Variants in DOP1A observed in about 807,000 individuals in gnomAD.
DOP1A encodes protein DOP1A.
DOP1A carries 90 observed loss-of-function variants against 267.6 expected under a neutral mutation model. That is an observed-to-expected ratio of 0.34 (90% confidence interval 0.28 to 0.40). The LOEUF (loss-of-function observed/expected upper bound fraction) is 0.40. Among genes scored for constraint, DOP1A ranks in the 10% least tolerant of loss-of-function variants. DOP1A has a pLI of 1.00. For missense variants in DOP1A, 2,437 were observed against 2,900.4 expected (o/e 0.84, Z 3.67); for synonymous variants, 932 against 999.1 (o/e 0.93, Z 1.27).
intron 4 of DOP1A, among the ~76,000 whole-genome samples, chr6:83,106,103 A>G (rs770203380): frequency 3.9e-5 from 6 of 152,176 alleles, no homozygotes; most frequent in African/African-American, 9.7e-5. Flanking sequence ...TGATTTTTTC[A>G]TCTCAAGGTT....
chr6:83,132,795 A>AT (rs767633707), intron 18 of DOP1A, among the ~76,000 whole-genome samples: 3 of 152,172 alleles, frequency 2.0e-5, no homozygotes, highest in Non-Finnish European at 4.4e-5. Context: ...CAAAATAAGA[A>AT]TTTTGTATCC....
chr6:83,114,628 T>C (rs996265448), intron 7 of DOP1A, among the ~76,000 whole-genome samples: 7 of 152,192 alleles, frequency 4.6e-5, no homozygotes, highest in South Asian at 2.1e-4. Context: ...AGGCCCTCAA[T>C]TGACAGATGT....
intron 38 of DOP1A, chr6:83,167,134 C>T: frequency 6.4e-6 from 6 of 940,870 alleles, no homozygotes; most frequent in Non-Finnish European, 6.3e-6. Flanking sequence ...TCTCATTTGA[C>T]TTCTCTACTA....
intron 15 of DOP1A, among the ~76,000 whole-genome samples, chr6:83,126,444 A>T (rs1337766974): frequency 6.6e-6 from 1 of 152,070 alleles, no homozygotes; most frequent in African/African-American, 2.4e-5. Context: ...TCCTGCTGCT[A>T]TCACTATGCT....
chr6:83,153,472 CA>C (rs1398615180), intron 30 of DOP1A, 38 bp from the exon 31 acceptor site: 1 of 1,354,330 alleles, frequency 7.4e-7, no homozygotes, highest in Non-Finnish European at 1.0e-6. Context: ...ATGTCAGTTT[CA>C]CCTCATATGT....
chr6:83,124,954 C>T (rs1477975350), intron 13 of DOP1A, 135 bp downstream of exon 13: 4 of 886,370 alleles, frequency 4.5e-6, no homozygotes, highest in Non-Finnish European at 6.9e-6. Context: ...AAGCTTTTTT[C>T]ATAAGATCTT....
chr6:83,068,632 G>A (rs1260798393), intron 1 of DOP1A, among the ~76,000 whole-genome samples: 1 of 152,208 alleles, frequency 6.6e-6, no homozygotes, highest in African/African-American at 2.4e-5. Context: ...ACTGTAGAGA[G>A]AGAAAAATCT....
Position 83,132,159 on chromosome 6 carries a change from T to C in DOP1A, c.2617-17T>C. On this transcript the variant is annotated splice_polypyrimidine_tract_variant and intron_variant, in intron 17 of 38. Transcript: ENST00000349129. ...ATGTATGGTATTGTGACTGTCACTTTTACATCTTTTTTATAGCATGTAGCT... is the reference window on the plus strand; with the variant it reads ...ATGTATGGTATTGTGACTGTCACTTCTACATCTTTTTTATAGCATGTAGCT... 1 of 1,598,522 alleles carries C rather than the reference T, an allele frequency of 6.3e-7. No individual in the cohort carries two copies. The highest frequency in any genetic ancestry group is 8.6e-7 in the Non-Finnish European group (1 of 1,167,710).
intron 7 of DOP1A, 126 bp downstream of exon 7, chr6:83,113,547 A>G: frequency 1.5e-6 from 1 of 676,856 alleles, no homozygotes; most frequent in South Asian, 2.4e-5. Flanking sequence ...CGCATGGAAA[A>G]TAAGTTCCTT....
chr6:83,167,934 A>G lies in DOP1A; in HGVS notation c.7165A>G (p.Thr2389Ala), dbSNP rs1408625896. 1 of 1,614,000 alleles carries G rather than the reference A, an allele frequency of 6.2e-7. No individual in the cohort carries two copies. The highest frequency in any genetic ancestry group is 8.5e-7 in the Non-Finnish European group (1 of 1,180,024). Residue 2389 changes from threonine to alanine, a missense_variant, in exon 39 of 39, where the codon ACC becomes GCC. Physicochemically the swap from Thr to Ala is moderately conservative, Grantham distance 58. Around this residue, in one of 9 missense-constraint regions of DOP1A, gnomAD observed 197 missense variants for 246.5 expected, o/e 0.80. Coordinates refer to ENST00000349129, the MANE Select transcript of DOP1A (RefSeq NM_015018.4). ...EPGHLLLTIC[T>A]VRSMEQLLPF... is the part of the protein sequence containing the mutation. ...AGGGCACTTGCTGCTCACCATCTGC[A>G]CCGTGCGCAGTATGGAGCAGCTCCT...
chr6:83,090,038 A>G (rs1352973377), intron 1 of DOP1A, among the ~76,000 whole-genome samples: 1 of 152,232 alleles, frequency 6.6e-6, no homozygotes, highest in East Asian at 1.9e-4. Context: ...GTTTGCTGCC[A>G]AGAAATTCAG....
intron 23 of DOP1A, among the ~76,000 whole-genome samples, chr6:83,141,183 G>A (rs1166923663): frequency 6.6e-6 from 1 of 151,986 alleles, no homozygotes; most frequent in South Asian, 2.1e-4. Context: ...GATGGAGAAG[G>A]GCTCAAAAGC....
chr6:83,154,388 A>G (rs1782312748), intron 33 of DOP1A, 147 bp downstream of exon 33: 1 of 679,554 alleles, frequency 1.5e-6, no homozygotes, highest in African/African-American at 1.8e-5. Flanking sequence ...GGGAAAGCAC[A>G]CTACTTTCTG....
chr6:83,166,569 T>A (rs1375448643), intron 38 of DOP1A: 1 of 620,164 alleles, frequency 1.6e-6, no homozygotes, highest in African/African-American at 1.8e-5. Context: ...AAAAAAAAAG[T>A]GAGAAATATG....
rs563433337 is a variant in DOP1A at position 83,100,266 on chromosome 6, G to A, written c.139-439G>A. Reference sequence around the variant, plus strand: ...TGTAATTTGATATACTAGGACAATGGTTGTACCTCTTCCAAGTACTGTAAA... The same window carrying A: ...TGTAATTTGATATACTAGGACAATGATTGTACCTCTTCCAAGTACTGTAAA... On this transcript the variant is annotated intron_variant, in intron 3 of 38. Transcript: ENST00000349129. Among the ~76,000 whole-genome samples the A allele has an allele frequency of 3.9e-5, 6 of 152,228 alleles. No homozygotes were observed. In the South Asian group the frequency reaches 1.0e-3, roughly 26 times the overall value.
chr6:83,088,491 C>G (rs1401961977), intron 1 of DOP1A, among the ~76,000 whole-genome samples: 1 of 144,144 alleles, frequency 6.9e-6, no homozygotes, highest in African/African-American at 2.6e-5. Context: ...GGCGCGATCT[C>G]AGCTCACTGC....
intron 16 of DOP1A, 24 bp downstream of exon 16, chr6:83,129,532 A>G (rs1200365916): frequency 6.1e-6 from 9 of 1,483,076 alleles, no homozygotes; most frequent in East Asian, 2.4e-5. Context: ...AGTTTTGCTT[A>G]TATTTCAGTA....
intron 18 of DOP1A, among the ~76,000 whole-genome samples, chr6:83,132,689 A>AAT (rs1778264213): frequency 6.6e-6 from 1 of 152,156 alleles, no homozygotes; most frequent in African/African-American, 2.4e-5. Flanking sequence ...TTTATTAACT[A>AAT]ATATATATGA....
Position 83,134,253 on chromosome 6 carries a change from A to C in DOP1A, c.2836A>C (p.Asn946His). 2.5e-6 allele frequency: 4 copies of C among 1,612,590 alleles called. No individual in the cohort carries two copies. Among genetic ancestry groups the C allele is most frequent in the Non-Finnish European group, 3.4e-6 (4 of 1,179,212 alleles). Reference protein sequence around the residue: ...LWHLTRDLHINKSSSFVRSFD... With the variant: ...LWHLTRDLHIHKSSSFVRSFD... Reference sequence around the variant, plus strand: ...GCATCTAACGAGAGATCTCCATATAAATAAATCTTCATCTTTTGTACGTTC... The same window carrying C: ...GCATCTAACGAGAGATCTCCATATACATAAATCTTCATCTTTTGTACGTTC... Residue 946 changes from asparagine (N) to histidine (H), a missense_variant, in exon 19 of 39, where the codon AAT becomes CAT. By Grantham distance (68) the Asn-to-His change is moderately conservative. This residue lies in a region of DOP1A where 878 missense variants were observed against 992.9 expected (regional missense o/e 0.88). Coordinates refer to ENST00000349129, the MANE Select transcript of DOP1A (RefSeq NM_015018.4).
Sources: allele counts gnomAD v4.1 joint callset (sites outside exome capture counted in the v4.1 genomes callset), GRCh38; gene constraint gnomAD v4.1.1; regional missense constraint gnomAD v4.1.1; transcripts MANE v1.5; gene names NCBI Gene and HGNC (gene_info 2026-07-23, HGNC 2026-07-21).